The following NXPE2 variants were observed in gnomAD, a reference collection of about 807,000 sequenced individuals.
The protein encoded by NXPE2 is NXPE family member 2.
In NXPE2, 34 loss-of-function variants were observed where a neutral mutation model predicts 34.4. The observed-to-expected ratio is 0.99, with a 90% CI of 0.75 to 1.31. The LOEUF is 1.31. Among genes scored for constraint, NXPE2 ranks in the 40% most tolerant of loss-of-function variants. The pLI, the probability that NXPE2 is intolerant of heterozygous loss-of-function variation, is 0.00. For missense variants in NXPE2, 649 were observed against 672.5 expected (o/e 0.97, Z 0.39); for synonymous variants, 235 against 231.3 (o/e 1.02, Z -0.15).
chr11:114,609,896 C>T, the NXPE2 span, among the ~76,000 whole-genome samples: 3 of 151,960 alleles, frequency 2.0e-5, no homozygotes, highest in East Asian at 3.9e-4. Context: ...ATAAGTGTTG[C>T]CTCCTGGGTA....
downstream of NXPE2, among the ~76,000 whole-genome samples, chr11:114,711,389 C>T (rs915898531): frequency 1.3e-5 from 2 of 152,058 alleles, no homozygotes; most frequent in Non-Finnish European, 1.5e-5. Flanking sequence ...AGATTCTGCA[C>T]AGAAACTATT....
At chr11:114,649,701 G>A in the NXPE2 span, among the ~76,000 whole-genome samples, 4 of 152,292 alleles carry the variant, frequency 2.6e-5, no homozygotes, top group African/African-American at 9.6e-5. Context: ...GTAGTAGGAG[G>A]AAATGATCAT....
At chr11:114,489,385 C>A in the NXPE2 span, among the ~76,000 whole-genome samples, 45 of 152,268 alleles carry the variant, frequency 3.0e-4, 1 homozygote, top group Admixed American at 2.4e-3. Flanking sequence ...GATACCAAAG[C>A]CTGGCAGAGA....
the NXPE2 span, among the ~76,000 whole-genome samples, chr11:114,637,542 C>A: frequency 6.6e-6 from 1 of 150,928 alleles, no homozygotes; most frequent in African/African-American, 2.4e-5. Context: ...TTAGTTGATA[C>A]AGTTTCTTCC....
chr11:114,521,081 T>C, the NXPE2 span, among the ~76,000 whole-genome samples: 6 of 152,350 alleles, frequency 3.9e-5, no homozygotes, highest in African/African-American at 1.4e-4. Flanking sequence ...TTCCTAATTC[T>C]GTCGTTCTTT....
chr11:114,704,630 A>G (rs1245170988), intron 4 of NXPE2, among the ~76,000 whole-genome samples: 1 of 152,208 alleles, frequency 6.6e-6, no homozygotes, highest in African/African-American at 2.4e-5. Context: ...CATTATAACA[A>G]TCAACGGGGT....
chr11:114,707,948 C>T (rs1305282171), downstream of NXPE2, among the ~76,000 whole-genome samples: 4 of 152,100 alleles, frequency 2.6e-5, no homozygotes, highest in African/African-American at 7.2e-5. Context: ...ATTTGTTGAT[C>T]GACATTTGGG....
chr11:114,761,466 GA>G, the NXPE2 span, among the ~76,000 whole-genome samples: 1 of 152,012 alleles, frequency 6.6e-6, no homozygotes, highest in East Asian at 1.9e-4. Flanking sequence ...CTTCACTAGG[GA>G]AGCCTGTGTA....
At chr11:114,606,718 C>T in the NXPE2 span, among the ~76,000 whole-genome samples, 2 of 151,932 alleles carry the variant, frequency 1.3e-5, no homozygotes, top group African/African-American at 4.8e-5. Flanking sequence ...AGGACTGTCT[C>T]ATGGGTAACC....
chr11:114,594,810 C>G, the NXPE2 span: 3 of 1,013,278 alleles, frequency 3.0e-6, no homozygotes, highest in Non-Finnish European at 4.5e-6. Flanking sequence ...AAACATACAA[C>G]AAAACAGAAA....
chr11:114,593,810 G>A, the NXPE2 span, among the ~76,000 whole-genome samples: 2 of 151,890 alleles, frequency 1.3e-5, no homozygotes, highest in Admixed American at 6.6e-5. Context: ...AAGAAAATAT[G>A]GTATATATAC....
At chr11:114,660,355 T>A in the NXPE2 span, among the ~76,000 whole-genome samples, 1 of 151,896 alleles carries the variant, frequency 6.6e-6, no homozygotes, top group African/African-American at 2.4e-5. Context: ...GAGGCAAACA[T>A]CCTCAACAAA....
the NXPE2 span, chr11:114,526,364 A>G: frequency 6.6e-6 from 1 of 152,154 alleles, no homozygotes; most frequent in Non-Finnish European, 1.5e-5. Context: ...TTTAAATATA[A>G]AATCATCCCA....
the NXPE2 span, among the ~76,000 whole-genome samples, chr11:114,798,872 C>T: frequency 4.6e-5 from 7 of 152,294 alleles, no homozygotes; most frequent in Admixed American, 6.5e-5. Flanking sequence ...TTCCCAGGCC[C>T]GGGTTCTGTC....
At chr11:114,742,849 T>C in the NXPE2 span, among the ~76,000 whole-genome samples, 1 of 152,186 alleles carries the variant, frequency 6.6e-6, no homozygotes, top group Non-Finnish European at 1.5e-5. Context: ...GTGAGTGTTA[T>C]CTCTGATGTT....
At chr11:114,612,924 G>T in the NXPE2 span, among the ~76,000 whole-genome samples, 1 of 151,652 alleles carries the variant, frequency 6.6e-6, no homozygotes, top group South Asian at 2.1e-4. Context: ...GATAATAATT[G>T]TTGCATCGCA....
At chr11:114,614,849 C>T in the NXPE2 span, among the ~76,000 whole-genome samples, 1 of 151,840 alleles carries the variant, frequency 6.6e-6, no homozygotes, top group Non-Finnish European at 1.5e-5. Context: ...ACAAGTGTTG[C>T]CTTATGGGTT....
At chr11:114,718,716 A>C in the NXPE2 span, among the ~76,000 whole-genome samples, 1 of 152,168 alleles carries the variant, frequency 6.6e-6, no homozygotes, top group African/African-American at 2.4e-5. Flanking sequence ...GGAAAGAATG[A>C]CTGTAAATGT....
chr11:114,813,524 T>TGTGCATGTTCATTTATGTGCATGC, the NXPE2 span, among the ~76,000 whole-genome samples: 1 of 152,236 alleles, frequency 6.6e-6, no homozygotes, highest in Admixed American at 6.5e-5. Context: ...CTTTCTCATC[T>TGTGCATGTTCATTTATGTGCATGC]GTGCATGTTC....
Sources: allele counts gnomAD v4.1 joint callset (sites outside exome capture counted in the v4.1 genomes callset), GRCh38; gene constraint gnomAD v4.1.1; transcripts MANE v1.5; gene names NCBI Gene and HGNC (gene_info 2026-07-23, HGNC 2026-07-21).